The following MPV17 variants were observed in gnomAD, a reference collection of about 807,000 sequenced individuals.
The protein encoded by MPV17 is MPV17, mitochondrial inner membrane protein.
MPV17 carries 31 observed loss-of-function variants against 28.6 expected under a neutral mutation model. The ratio of observed to expected loss-of-function variants is 1.08; its 90% confidence interval spans 0.81 to 1.46. MPV17 has a LOEUF of 1.46. Ranked by LOEUF, MPV17 falls within the 40% of genes most tolerant of loss-of-function variation. MPV17 has a pLI of 0.00. For synonymous variants in MPV17, 87 were observed against 85.3 expected, an observed-to-expected ratio of 1.02 and a Z score of -0.11; for missense variants, 198 against 216.2, an observed-to-expected ratio of 0.92 and a Z score of 0.53.
Position 27,317,014 on chromosome 2 carries a change from C to A in MPV17, c.71-3905G>T. ...ACTAGTGGAAAAGCCCCAACTTCCA[C>A]ACCCTCTTCCCGGGCATGGGCAGGG... On this transcript the variant is annotated intron_variant, in intron 2 of 7. Coordinates refer to ENST00000380044, the MANE Select transcript of MPV17 (RefSeq NM_002437.5). The surrounding 1 kb of genome is among the most constrained non-coding windows in gnomAD (Gnocchi z 4.0). 4 of 1,441,182 alleles carry A rather than the reference C, an allele frequency of 2.8e-6. No homozygotes were observed. The highest frequency in any genetic ancestry group is 2.2e-5 in the Admixed American group (1 of 44,520). 89.3% of individuals were successfully genotyped at this position (1,441,182 alleles called of 1,614,324 possible).
At chr2:27,321,076 G>A (rs546113800) in intron 2 of MPV17, among the ~76,000 whole-genome samples, 3 of 152,344 alleles carry the variant, frequency 2.0e-5, no homozygotes, top group South Asian at 2.1e-4. Flanking sequence ...CCTCCTTGGA[G>A]CTCTAGCTCC....
At chr2:27,311,245 G>T in intron 7 of MPV17, 1 of 226,778 alleles carries the variant, frequency 4.4e-6, no homozygotes. Flanking sequence ...ATTTTCTGTA[G>T]AGATGAGGTC....
At chr2:27,315,893 G>A (rs1432275193) in intron 2 of MPV17, 2 of 1,424,044 alleles carry the variant, frequency 1.4e-6, no homozygotes, top group Non-Finnish European at 1.8e-6. Context: ...GTCTTTGAGA[G>A]ATGAGATGAC....
In MPV17 at chr2:27,317,368, C is replaced by T. The variant is rs1679693976; in HGVS notation, c.71-4259G>A. The T allele has an allele frequency of 5.5e-6, 4 of 723,750 alleles. No homozygotes were observed. Among genetic ancestry groups the T allele is most frequent in the Non-Finnish European group, 8.5e-6 (4 of 468,326 alleles). 44.8% of individuals were successfully genotyped at this position (723,750 alleles called of 1,614,324 possible). On this transcript the variant is annotated intron_variant, in intron 2 of 7. Transcript: ENST00000380044. This position sits in a 1 kb window ranked among gnomAD's most constrained non-coding sequence, Gnocchi z 4.0. ...AATGCTCTCCCATTTCTGACCTGAACCCATCCTACTGCTAGAAAATGAGAC... is the reference window on the plus strand; with the variant it reads ...AATGCTCTCCCATTTCTGACCTGAATCCATCCTACTGCTAGAAAATGAGAC...
intron 1 of MPV17, 101 bp downstream of exon 1, chr2:27,322,951 T>G (rs1332470925): frequency 4.0e-6 from 1 of 248,158 alleles, no homozygotes; most frequent in Non-Finnish European, 8.1e-6. Flanking sequence ...AAACCGAAAA[T>G]AGGGCCCGTC....
intron 1 of MPV17, 175 bp from the exon 2 acceptor site, chr2:27,322,697 T>A (rs1357789883): frequency 1.6e-6 from 1 of 625,912 alleles, no homozygotes; most frequent in African/African-American, 1.8e-5. Context: ...GGAGTCGCCT[T>A]AGACAATTGG....
intron 2 of MPV17, among the ~76,000 whole-genome samples, chr2:27,314,258 A>G (rs930236068): frequency 6.6e-6 from 1 of 152,152 alleles, no homozygotes; most frequent in African/African-American, 2.4e-5. Context: ...TGAGCCCAGG[A>G]GGTCCAGGCT....
At chr2:27,312,158 G>C (rs1315869186) in intron 6 of MPV17, 56 bp downstream of exon 6, 1 of 1,586,590 alleles carries the variant, frequency 6.3e-7, no homozygotes, top group Non-Finnish European at 8.7e-7. Flanking sequence ...CCAATCCCAG[G>C]ACAGTTCTAG....
At chr2:27,316,999 A>C (rs1679679024) in intron 2 of MPV17, 1 of 1,360,278 alleles carries the variant, frequency 7.4e-7, no homozygotes, top group Non-Finnish European at 9.9e-7. Flanking sequence ...ACTAGTGGAA[A>C]AGCCCCAACT....
intron 2 of MPV17, chr2:27,321,839 C>A: frequency 6.4e-6 from 1 of 155,066 alleles, no homozygotes; most frequent in Admixed American, 6.3e-5. Context: ...ATAACAAAAG[C>A]AAATGAACGA....
intron 2 of MPV17, among the ~76,000 whole-genome samples, chr2:27,319,907 CAG>C (rs1182128271): frequency 1.4e-5 from 2 of 139,912 alleles, no homozygotes; most frequent in Non-Finnish European, 1.5e-5. Context: ...GCCTGGGTAA[CAG>C]GGTGACACCT....
chr2:27,311,982 T>C (rs1431854008), intron 6 of MPV17, 31 bp from the exon 7 acceptor site: 3 of 1,610,522 alleles, frequency 1.9e-6, no homozygotes, highest in Non-Finnish European at 2.5e-6. Context: ...GTTGGATGGC[T>C]GCCCCACCAC....
Position 27,317,124 on chromosome 2 carries a change from G to T in MPV17, c.71-4015C>A, listed in dbSNP as rs1472854633. 1.9e-6 allele frequency: 3 copies of T among 1,550,032 alleles called. No individual in the cohort carries two copies. The highest frequency in any genetic ancestry group is 2.6e-6 in the Non-Finnish European group (3 of 1,146,926). ...TGCGCAGAAGGCAGAGGGGCAAGAA[G>T]TGGCTTCTTGGAGTGAGGAGCAGGA... On this transcript the variant is annotated intron_variant, in intron 2 of 7. Coordinates refer to ENST00000380044, the MANE Select transcript of MPV17 (RefSeq NM_002437.5). The surrounding 1 kb of genome is among the most constrained non-coding windows in gnomAD (Gnocchi z 4.0).
intron 2 of MPV17, among the ~76,000 whole-genome samples, chr2:27,320,289 C>T (rs961398643): frequency 5.9e-5 from 9 of 151,284 alleles, no homozygotes; most frequent in African/African-American, 2.2e-4. Context: ...AGTGATACTC[C>T]TATACTGACC....
At chr2:27,311,655 G>C (rs1053183286) in intron 7 of MPV17, 76 of 1,550,658 alleles carry the variant, frequency 4.9e-5, no homozygotes, top group Non-Finnish European at 6.5e-5. Flanking sequence ...ATGGAGACAA[G>C]GGTGGTAGAA....
intron 2 of MPV17, among the ~76,000 whole-genome samples, chr2:27,318,207 T>C (rs1679726590): frequency 1.4e-5 from 2 of 144,732 alleles, no homozygotes; most frequent in African/African-American, 2.6e-5. Flanking sequence ...TAGCTGGGAC[T>C]ACAGGCACCT....
In MPV17 at chr2:27,322,510, A is replaced by G. The variant is rs1465398785; in HGVS notation, c.8T>C (p.Leu3Pro). MALWRAYQRALAA... is the reference protein window; with the variant it reads MAPWRAYQRALAA... ...CAGGGCCCGCTGGTATGCCCGCCAG[A>G]GTGCCATGCTTCCTGTCAAGCCAAG... is the stretch of plus-strand genomic sequence containing the variant. The change falls in exon 2 of 8, where the codon CTC becomes CCC. Residue 3 changes from leucine (L) to proline (P), a missense_variant. By Grantham distance (98) the Leu-to-Pro change is moderately conservative (BLOSUM62 -3). Transcript: ENST00000380044. The G allele has an allele frequency of 6.2e-7, 1 of 1,614,018 alleles. No individual in the cohort carries two copies.
chr2:27,322,393 C>T, intron 2 of MPV17, 55 bp downstream of exon 2: 2 of 1,467,838 alleles, frequency 1.4e-6, no homozygotes, highest in South Asian at 1.1e-5. Flanking sequence ...GGGCAAGCCT[C>T]TGGCTTCCAA....
At chr2:27,316,948 G>T in intron 2 of MPV17, 1 of 859,532 alleles carries the variant, frequency 1.2e-6, no homozygotes, top group Non-Finnish European at 1.8e-6. Flanking sequence ...GGGGAAGGGA[G>T]CCTGCCTCTG....
Sources: gnomAD v4.1 joint callset for allele counts (sites outside exome capture counted in the v4.1 genomes callset) on GRCh38, gnomAD v4.1.1 for gene constraint, Gnocchi (gnomAD v3.1) non-coding constraint, MANE v1.5 for transcripts, NCBI Gene and HGNC (gene_info 2026-07-23, HGNC 2026-07-21) for gene names.